SULF1: variants seen among roughly 807,000 people sequenced by gnomAD.
The protein encoded by SULF1 is sulfatase 1.
Under a neutral mutation model 110.5 loss-of-function variants are expected in SULF1, and 46 were observed. That is an observed-to-expected ratio of 0.42 (90% CI 0.33 to 0.53). The LOEUF is 0.53. Among genes scored for constraint, SULF1 ranks in the 20% least tolerant of loss-of-function variants. The pLI is 0.12. For synonymous variants in SULF1, 371 were observed against 387.1 expected (o/e 0.96, Z 0.49); for missense variants, 941 against 1,094.2 (o/e 0.86, Z 1.98).
chr8:69,597,448 A>T (rs1807431037), intron 8 of SULF1: 1 of 152,228 alleles, frequency 6.6e-6, no homozygotes, highest in Admixed American at 6.5e-5. Flanking sequence ...GTCATCTCCC[A>T]TATCAAGAAA....
chr8:69,501,276 G>A (rs887858520), intron 2 of SULF1, among the ~76,000 whole-genome samples: 1 of 152,092 alleles, frequency 6.6e-6, no homozygotes, highest in Non-Finnish European at 1.5e-5. Flanking sequence ...TATGTCAGAT[G>A]TTCATGGCAG....
intron 3 of SULF1, among the ~76,000 whole-genome samples, chr8:69,526,483 C>T (rs1812669607): frequency 1.3e-5 from 2 of 151,230 alleles, no homozygotes; most frequent in Non-Finnish European, 2.9e-5. Context: ...AAAGGCAGGC[C>T]AGGCATAGTA....
rs1446268178 is a variant in SULF1 at position 69,579,015 on chromosome 8, G to T, written c.412+2806G>T. Among the ~76,000 whole-genome samples the T allele has an allele frequency of 2.6e-5, 4 of 151,918 alleles. No individual in the cohort carries two copies. In the South Asian group the frequency reaches 8.3e-4, roughly 32 times the overall value. ...TCTCTACTAAAAATAGAAAAAATTA[G>T]CCAGGCGTGGTGGCGGACGCCTGTA... On this transcript the variant is annotated intron_variant, in intron 6 of 22. Transcript: ENST00000402687.
intron 3 of SULF1, among the ~76,000 whole-genome samples, chr8:69,528,197 C>T (rs1563499864): frequency 6.6e-6 from 1 of 152,118 alleles, no homozygotes; most frequent in East Asian, 1.9e-4. Context: ...TTTGATGAAA[C>T]CACCTGCTGT....
intron 14 of SULF1, 148 bp from the exon 15 acceptor site, chr8:69,623,794 C>T (rs1025524422): frequency 3.4e-6 from 3 of 876,980 alleles, no homozygotes; most frequent in South Asian, 2.0e-5. Context: ...CCTCTGCTAC[C>T]GTGAATTGCA....
intron 3 of SULF1, among the ~76,000 whole-genome samples, chr8:69,520,649 T>G (rs1004105682): frequency 2.0e-5 from 3 of 152,230 alleles, no homozygotes; most frequent in Non-Finnish European, 4.4e-5. Context: ...CTGTGTTTTT[T>G]TCCAACATTT....
intron 3 of SULF1, among the ~76,000 whole-genome samples, chr8:69,562,231 C>T (rs565108686): frequency 2.6e-5 from 4 of 152,240 alleles, no homozygotes; most frequent in Admixed American, 1.3e-4. Context: ...AATGGGGATA[C>T]GTGTGTGTGT....
At chr8:69,579,203 AGGATAATATG>A (rs1374678936) in intron 6 of SULF1, among the ~76,000 whole-genome samples, 1 of 151,192 alleles carries the variant, frequency 6.6e-6, no homozygotes, top group Non-Finnish European at 1.5e-5. Flanking sequence ...CAGTAGGAAA[AGGATAATATG>A]GGCTCAGGAA....
intron 3 of SULF1, among the ~76,000 whole-genome samples, chr8:69,543,535 C>T (rs1814006178): frequency 6.6e-6 from 1 of 152,122 alleles, no homozygotes; most frequent in South Asian, 2.1e-4. Context: ...CATCCATGTC[C>T]CTGCAAAGGA....
intron 19 of SULF1, among the ~76,000 whole-genome samples, chr8:69,634,597 T>C (rs1810830022): frequency 6.6e-6 from 1 of 151,966 alleles, no homozygotes. Flanking sequence ...GGTGAAACCC[T>C]ATCTCTACCA....
chr8:69,520,822 G>T (rs1280756244), intron 3 of SULF1, among the ~76,000 whole-genome samples: 2 of 152,134 alleles, frequency 1.3e-5, no homozygotes, highest in Admixed American at 6.6e-5. Context: ...GTGAGAGCCA[G>T]GTTTACATGA....
chr8:69,636,669 G>A (rs1292151626), intron 19 of SULF1, among the ~76,000 whole-genome samples: 1 of 152,188 alleles, frequency 6.6e-6, no homozygotes, highest in African/African-American at 2.4e-5. Flanking sequence ...GTCGATTGGC[G>A]AGAGGTCAGG....
intron 3 of SULF1, among the ~76,000 whole-genome samples, chr8:69,538,160 A>G (rs1290627708): frequency 1.3e-5 from 2 of 151,696 alleles, no homozygotes; most frequent in Non-Finnish European, 2.9e-5. Context: ...ACGGGGTTTC[A>G]CCGTGTTAGC....
At chr8:69,608,237 A>G (rs151078171) in intron 13 of SULF1, among the ~76,000 whole-genome samples, 4 of 152,358 alleles carry the variant, frequency 2.6e-5, no homozygotes, top group East Asian at 3.9e-4. Flanking sequence ...AGAGAAAATT[A>G]ACCTCACCCT....
At position 69,638,554 on chromosome 8, in the gene SULF1, G is replaced by A; in HGVS notation, c.2337G>A (p.Leu779=). 6.2e-7 allele frequency: 1 copy of A among 1,613,996 alleles called. No individual in the cohort carries two copies. Among genetic ancestry groups the A allele is most frequent in the Non-Finnish European group, 8.5e-7 (1 of 1,179,994 alleles). Reference sequence around the variant, plus strand: ...CTAACAATAACACCTACTGGTGTTTGCGTACAGTTAATGAGACGCATAATT... The same window carrying A: ...CTAACAATAACACCTACTGGTGTTTACGTACAGTTAATGAGACGCATAATT... ...TSSNNNTYWC[L]RTVNETHNFL... The change falls in exon 20 of 23, where the codon TTG becomes TTA. Residue 779 remains leucine (L), a synonymous_variant. Transcript: ENST00000402687.
Position 69,557,624 on chromosome 8 carries a change from CTA to C in SULF1, c.-133-5913_-133-5912del, listed in dbSNP as rs146045690. On this transcript the variant is annotated intron_variant, in intron 3 of 22. Transcript: ENST00000402687. ...CTAGAAAACTTAAGTTTATTTATTT[CTA>C]TGTTTTGTAATGCAACAGATTATTG... Among the ~76,000 whole-genome samples the C allele has an allele frequency of 7.9e-3, 1,200 of 152,172 alleles. 16 individuals carry two copies. The highest frequency in any genetic ancestry group is 0.028 in the African/African-American group (1,152 of 41,508).
chr8:69,509,871 T>C (rs967590271), intron 3 of SULF1, among the ~76,000 whole-genome samples: 6 of 152,238 alleles, frequency 3.9e-5, no homozygotes, highest in African/African-American at 1.2e-4. Context: ...GAGAGGAATG[T>C]AGTTTACATT....
At chr8:69,550,155 A>G (rs1043690473) in intron 3 of SULF1, among the ~76,000 whole-genome samples, 1 of 151,610 alleles carries the variant, frequency 6.6e-6, no homozygotes, top group African/African-American at 2.4e-5. Flanking sequence ...ACTTCAAGAG[A>G]AAATACAAAA....
At chr8:69,619,979 C>G (rs1046495345) in intron 13 of SULF1, among the ~76,000 whole-genome samples, 1 of 152,154 alleles carries the variant, frequency 6.6e-6, no homozygotes, top group Non-Finnish European at 1.5e-5. Flanking sequence ...GACAGCTTTC[C>G]GTATTCCAAG....
Sources: allele counts gnomAD v4.1 joint callset (sites outside exome capture counted in the v4.1 genomes callset), GRCh38; gene constraint gnomAD v4.1.1; transcripts MANE v1.5; gene names NCBI Gene and HGNC (gene_info 2026-07-23, HGNC 2026-07-21).